Variants in CSRP2 observed in about 807,000 individuals in gnomAD.
CSRP2 encodes the protein cysteine and glycine rich protein 2.
In CSRP2, 18 loss-of-function variants were observed where a neutral mutation model predicts 24.6. The ratio of observed to expected loss-of-function variants is 0.73; its 90% CI spans 0.51 to 1.09. The LOEUF (loss-of-function observed/expected upper bound fraction) is 1.09, where lower values mean the gene tolerates loss of function less well. Ranked by LOEUF, CSRP2 falls within the 50% of genes least tolerant of loss-of-function variation. CSRP2 has a pLI of 0.00. For synonymous variants in CSRP2, 87 were observed against 84.3 expected, an observed-to-expected ratio of 1.03 and a Z score of -0.18; for missense variants, 215 against 239.4, an observed-to-expected ratio of 0.90 and a Z score of 0.67.
chr12:76,874,736 G>C (rs542000431), intron 1 of CSRP2, among the ~76,000 whole-genome samples: 125 of 152,324 alleles, frequency 8.2e-4, no homozygotes, highest in Middle Eastern at 3.4e-3. Context: ...CCTGAGCTCT[G>C]CTTCCTGTCA....
At chr12:76,871,582 A>G (rs1953798327) in intron 1 of CSRP2, among the ~76,000 whole-genome samples, 1 of 152,122 alleles carries the variant, frequency 6.6e-6, no homozygotes, top group Admixed American at 6.5e-5. Context: ...CATCCTGGCT[A>G]ACACGGTGAA....
chr12:76,873,484 G>A (rs908040614), intron 1 of CSRP2, among the ~76,000 whole-genome samples: 3 of 152,168 alleles, frequency 2.0e-5, no homozygotes, highest in Middle Eastern at 3.2e-3. Context: ...ATGTCTTAGT[G>A]ATCAGCTCCG....
At chr12:76,862,721 T>C in intron 3 of CSRP2, 3 of 1,301,898 alleles carry the variant, frequency 2.3e-6, no homozygotes, top group South Asian at 4.5e-5. Context: ...CATTTTTAAG[T>C]AAAAAATTTT....
At position 76,860,378 on chromosome 12, in the gene CSRP2, G is replaced by A. The variant is rs779609171; in HGVS notation, c.317C>T (p.Thr106Ile). 2 of 1,614,074 alleles carry A rather than the reference G, an allele frequency of 1.2e-6. No individual in the cohort carries two copies. The highest frequency in any genetic ancestry group is 1.1e-5 in the South Asian group (1 of 91,062). The change falls in exon 4 of 6, where the codon ACT becomes ATT. Residue 106 changes from threonine to isoleucine, a missense_variant. Transcript: ENST00000311083. ...TCCATATTTCTGAGCAAATTTAGAA[G>A]TGTTTGGATTTGTTGTAGGCCTGTG... ...QPHRPTTNPNTSKFAQKYGGA... is the reference protein window; with the variant it reads ...QPHRPTTNPNISKFAQKYGGA...
At position 76,859,972 on chromosome 12, in the gene CSRP2, T is replaced by C. The variant is rs553708907; in HGVS notation, c.411+312A>G. ...CCACACACTGAATTCGCATCAGGTG[T>C]CCTGACTCGGATTCCTGCTTTTTTC... On this transcript the variant is annotated intron_variant, in intron 4 of 5. Transcript: ENST00000311083. 1.1e-4 allele frequency among the ~76,000 whole-genome samples: 17 copies of C among 152,360 alleles called. No individual in the cohort carries two copies. In the South Asian group the frequency reaches 1.7e-3, roughly 15 times the overall value.
intron 4 of CSRP2, 41 bp downstream of exon 4, chr12:76,860,243 G>C: frequency 6.2e-7 from 1 of 1,600,552 alleles, no homozygotes; most frequent in Admixed American, 1.7e-5. Context: ...AGGGAGCAGA[G>C]AGAAGTCATT....
In CSRP2 at chr12:76,866,189, C is replaced by T. The variant is rs763169571; in HGVS notation, c.72G>A (p.Gln24=). 12 of 1,614,174 alleles carry T rather than the reference C, an allele frequency of 7.4e-6. No homozygotes were observed. In the Admixed American group the frequency reaches 1.7e-4, roughly 22 times the overall value. Residue 24 remains glutamine (Q), a synonymous_variant, in exon 2 of 6, where the codon CAG becomes CAA. Transcript: ENST00000311083. ...GRTVYHAEEV[Q]CDGRSFHRCC... ...AGCGGTGGAAGCTCCTGCCATCACACTGCACCTCTTCTGCGTGGTACACGG... is the reference window on the plus strand; with the variant it reads ...AGCGGTGGAAGCTCCTGCCATCACATTGCACCTCTTCTGCGTGGTACACGG...
At chr12:76,859,457 T>C (rs1436142603) in intron 5 of CSRP2, 90 bp downstream of exon 5, 1 of 201,720 alleles carries the variant, frequency 5.0e-6, no homozygotes. Context: ...CATACTTTTC[T>C]TTTTTTTTTT....
At chr12:76,878,371 A>G (rs571758577) in intron 1 of CSRP2, 1 of 152,516 alleles carries the variant, frequency 6.6e-6, no homozygotes, top group Admixed American at 6.5e-5. Context: ...ACACCACCAA[A>G]CAATGGGGAT....
rs537432686 is a variant in CSRP2 at position 76,872,376 on chromosome 12, G to C, written c.-1-6115C>G. 6.6e-5 allele frequency among the ~76,000 whole-genome samples: 10 copies of C among 152,334 alleles called. No individual in the cohort carries two copies. The East Asian group carries it at 1.9e-3, about 29-fold the overall frequency. On this transcript the variant is annotated intron_variant, in intron 1 of 5. Transcript: ENST00000311083. ...AGTTATTACGAAATTATTTTAGGCA[G>C]ATAGAGAGGAAAAGGGGTCCTTGGG...
chr12:76,864,693 G>C (rs994925572), intron 2 of CSRP2: 1 of 152,110 alleles, frequency 6.6e-6, no homozygotes, highest in Non-Finnish European at 1.5e-5. Flanking sequence ...ACAGCAAAGA[G>C]GAGGGGAGGG....
intron 1 of CSRP2, among the ~76,000 whole-genome samples, chr12:76,871,391 G>A (rs1265549874): frequency 1.3e-5 from 2 of 152,190 alleles, no homozygotes; most frequent in African/African-American, 4.8e-5. Context: ...TGAGCTGATT[G>A]GTCACTATAA....
intron 2 of CSRP2, chr12:76,863,557 T>C (rs1482515372): frequency 2.1e-6 from 1 of 468,856 alleles, no homozygotes; most frequent in East Asian, 3.3e-5. Flanking sequence ...ATATGACAGT[T>C]GCTTCAGAAA....
At chr12:76,863,480 C>A in intron 2 of CSRP2, 136 bp from the exon 3 acceptor site, 1 of 831,916 alleles carries the variant, frequency 1.2e-6, no homozygotes, top group Non-Finnish European at 1.8e-6. Flanking sequence ...CTGTGGCTTC[C>A]CAAAAGCCAT....
intron 4 of CSRP2, 122 bp downstream of exon 4, chr12:76,860,157 TAAAGA>T (rs1953660810): frequency 2.0e-6 from 2 of 995,266 alleles, no homozygotes; most frequent in African/African-American, 3.3e-5. Flanking sequence ...GAAATGCATT[TAAAGA>T]AAAGTTTCAT....
chr12:76,862,949 A>C lies in CSRP2; in HGVS notation c.281+227T>G, dbSNP rs146967882. 853 of 1,492,602 alleles carry C rather than the reference A, an allele frequency of 5.7e-4. 9 individuals are homozygous for C. In the African/African-American group the frequency reaches 0.011, roughly 20 times the overall value. 92.5% of individuals were successfully genotyped at this position (1,492,602 alleles called of 1,614,324 possible). The stretch of plus-strand genomic sequence containing the variant: ...TTTTGAGAACACGACTCCTTGATAC[A>C]GCTTGGAATGCTATAAAGCCAGAAG... On this transcript the variant is annotated intron_variant, in intron 3 of 5. Transcript: ENST00000311083.
At chr12:76,874,152 A>G (rs942507993) in intron 1 of CSRP2, among the ~76,000 whole-genome samples, 32 of 152,202 alleles carry the variant, frequency 2.1e-4, no homozygotes, top group Admixed American at 2.0e-3. Flanking sequence ...GCATGACAAA[A>G]CAGTTTCATC....
At chr12:76,866,128 G>A (rs868727730) in intron 2 of CSRP2, 21 bp downstream of exon 2, 2 of 1,566,972 alleles carry the variant, frequency 1.3e-6, no homozygotes, top group Non-Finnish European at 8.8e-7. Context: ...CGTCAAAGGT[G>A]GAGCATGGAG....
chr12:76,867,329 A>AT (rs1201376360), intron 1 of CSRP2, among the ~76,000 whole-genome samples: 3 of 122,470 alleles, frequency 2.4e-5, no homozygotes, highest in Non-Finnish European at 5.1e-5. Flanking sequence ...TCTCTGCTAA[A>AT]TTTAAAAAAA....
Sources: allele counts gnomAD v4.1 joint callset (sites outside exome capture counted in the v4.1 genomes callset), GRCh38; gene constraint gnomAD v4.1.1; transcripts MANE v1.5; gene names NCBI Gene and HGNC (gene_info 2026-07-23, HGNC 2026-07-21).